Variants in TMTC1 observed in about 807,000 individuals in gnomAD.
TMTC1 encodes the protein transmembrane O-mannosyltransferase targeting cadherins 1, also known as protein O-mannosyl-transferase TMTC1.
TMTC1 carries 73 observed loss-of-function variants against 104.8 expected under a neutral mutation model. The observed-to-expected ratio is 0.70, with a 90% CI of 0.58 to 0.85. The LOEUF is 0.85. TMTC1 is among the 40% of genes least tolerant of loss of function. The pLI, the probability that TMTC1 is intolerant of heterozygous loss-of-function variation, is 0.00. For synonymous variants in TMTC1, 434 were observed against 428.7 expected (o/e 1.01, Z -0.15); for missense variants, 1,035 against 1,096.1 (o/e 0.94, Z 0.79).
In TMTC1 at chr12:29,577,872, T is replaced by C. The variant is rs978261151; in HGVS notation, c.1418+5535A>G. 3.9e-5 allele frequency among the ~76,000 whole-genome samples: 6 copies of C among 152,162 alleles called. No homozygotes were observed. The East Asian group carries it at 7.7e-4, about 20-fold the overall frequency. ...TTCAAATGATAGTATCCAACATAAATTTAGTCATATTGGCAAAATCCAGGT... is the reference window on the plus strand; with the variant it reads ...TTCAAATGATAGTATCCAACATAAACTTAGTCATATTGGCAAAATCCAGGT... On this transcript the variant is annotated intron_variant, in intron 8 of 17. Transcript: ENST00000539277.
intron 11 of TMTC1, among the ~76,000 whole-genome samples, chr12:29,522,490 A>G (rs190959252): frequency 2.1e-4 from 32 of 152,258 alleles, no homozygotes; most frequent in Admixed American, 5.2e-4. Context: ...AAAGTCTCAA[A>G]ATATTTCCTT....
intron 9 of TMTC1, among the ~76,000 whole-genome samples, chr12:29,566,869 G>C (rs1007944146): frequency 6.6e-6 from 1 of 152,128 alleles, no homozygotes; most frequent in African/African-American, 2.4e-5. Context: ...ACTTATACAA[G>C]AAATCACAGC....
intron 6 of TMTC1, among the ~76,000 whole-genome samples, chr12:29,615,639 C>T (rs1017611526): frequency 3.9e-5 from 6 of 152,070 alleles, no homozygotes; most frequent in African/African-American, 1.2e-4. Flanking sequence ...TCAGGACTCC[C>T]AGCAGTCACA....
chr12:29,698,561 T>C (rs989834337), intron 5 of TMTC1, among the ~76,000 whole-genome samples: 1 of 152,180 alleles, frequency 6.6e-6, no homozygotes, highest in Non-Finnish European at 1.5e-5. Context: ...TGGTCTTATG[T>C]TTCTAAGTTA....
intron 5 of TMTC1, among the ~76,000 whole-genome samples, chr12:29,734,590 T>C (rs1942624196): frequency 6.6e-6 from 1 of 152,182 alleles, no homozygotes; most frequent in African/African-American, 2.4e-5. Flanking sequence ...GATCCACATA[T>C]AGAATCATAT....
At chr12:29,600,625 C>T (rs573389773) in intron 7 of TMTC1, among the ~76,000 whole-genome samples, 12 of 152,296 alleles carry the variant, frequency 7.9e-5, no homozygotes, top group African/African-American at 2.4e-4. Flanking sequence ...AGATTCCTCC[C>T]GTGTCAGTTT....
chr12:29,672,882 G>T (rs1469839787), intron 5 of TMTC1, among the ~76,000 whole-genome samples: 1 of 152,138 alleles, frequency 6.6e-6, no homozygotes, highest in South Asian at 2.1e-4. Context: ...TTATAAGGAG[G>T]TAAACAATGT....
chr12:29,722,179 G>T (rs1348549409), intron 5 of TMTC1, among the ~76,000 whole-genome samples: 2 of 152,076 alleles, frequency 1.3e-5, no homozygotes, highest in Admixed American at 1.3e-4. Context: ...GAACCTTCAG[G>T]GTCCCTAGAT....
chr12:29,540,169 C>T (rs1242086057), intron 10 of TMTC1, among the ~76,000 whole-genome samples: 1 of 152,068 alleles, frequency 6.6e-6, no homozygotes, highest in Non-Finnish European at 1.5e-5. Flanking sequence ...TGTGGGGAAC[C>T]TACTGCTGCC....
chr12:29,700,400 A>C (rs1429871691), intron 5 of TMTC1, among the ~76,000 whole-genome samples: 1 of 151,732 alleles, frequency 6.6e-6, no homozygotes, highest in Non-Finnish European at 1.5e-5. Context: ...ATAGAGTCTC[A>C]CTTTGTTGTC....
rs551145101 is a variant in TMTC1, at chr12:29,561,278, C to T, written c.1533-4278G>A. ...TGTAAATCTGTTTTTAAACTTCATTCGTCATTCAACGTTCAGCAAATAAAT... is the reference window on the plus strand; with the variant it reads ...TGTAAATCTGTTTTTAAACTTCATTTGTCATTCAACGTTCAGCAAATAAAT... On this transcript the variant is annotated intron_variant, in intron 9 of 17. Coordinates refer to ENST00000539277, the MANE Select transcript of TMTC1 (RefSeq NM_001193451.2). Among the ~76,000 whole-genome samples the T allele has an allele frequency of 2.4e-4, 36 of 151,532 alleles. 2 individuals are homozygous for T. The highest frequency in any genetic ancestry group is 7.7e-4 in the African/African-American group (32 of 41,390).
Position 29,506,000 on chromosome 12 carries a change from T to G in TMTC1, c.*846A>C, listed in dbSNP as rs991830840. 1.5e-4 allele frequency: 23 copies of G among 152,146 alleles called. 1 individual carries two copies. Among genetic ancestry groups the G allele is most frequent in the Admixed American group, 1.5e-3 (23 of 15,280 alleles). The allele number at this position is 152,146 out of a possible 1,614,324, so 9.4% of individuals were successfully genotyped here. The stretch of plus-strand genomic sequence containing the variant: ...CATTTCTCTTAGTTAATATCTTTAA[T>G]TTTTTATGTAGAATATACTATTTTT... On this transcript the variant is annotated 3_prime_UTR_variant, in exon 18 of 18. Transcript: ENST00000539277.
chr12:29,579,264 A>T (rs1320273544), intron 8 of TMTC1, among the ~76,000 whole-genome samples: 3 of 152,174 alleles, frequency 2.0e-5, no homozygotes, highest in Admixed American at 6.5e-5. Flanking sequence ...ATGGGTCACT[A>T]ATGTGTCCAT....
At chr12:29,736,468 G>A (rs1942677184) in intron 5 of TMTC1, among the ~76,000 whole-genome samples, 1 of 151,918 alleles carries the variant, frequency 6.6e-6, no homozygotes. Flanking sequence ...CGCCCAGGCT[G>A]GAGTGCAGTG....
chr12:29,514,354 AACTC>A, intron 16 of TMTC1, 124 bp downstream of exon 16: 1 of 944,040 alleles, frequency 1.1e-6, no homozygotes, highest in Non-Finnish European at 1.5e-6. Context: ...AGTTAAAAAA[AACTC>A]ACTCACTCCA....
At chr12:29,659,345 C>G (rs1377706850) in intron 5 of TMTC1, among the ~76,000 whole-genome samples, 1 of 152,162 alleles carries the variant, frequency 6.6e-6, no homozygotes, top group Non-Finnish European at 1.5e-5. Flanking sequence ...GGGCAGAACC[C>G]TTATGAGTAG....
intron 7 of TMTC1, among the ~76,000 whole-genome samples, chr12:29,598,328 A>G (rs1946467500): frequency 6.6e-6 from 1 of 152,242 alleles, no homozygotes; most frequent in Non-Finnish European, 1.5e-5. Flanking sequence ...CTTCAGAGGT[A>G]ATTTTTCTCC....
chr12:29,664,163 G>T (rs901967355), intron 5 of TMTC1, among the ~76,000 whole-genome samples: 5 of 149,670 alleles, frequency 3.3e-5, no homozygotes, highest in Admixed American at 1.3e-4. Context: ...CTCCAGCCTG[G>T]GCGACAGAGC....
chr12:29,546,478 A>G (rs1944945671), intron 10 of TMTC1, among the ~76,000 whole-genome samples: 1 of 152,092 alleles, frequency 6.6e-6, no homozygotes, highest in African/African-American at 2.4e-5. Context: ...GCTTCCTGGG[A>G]CAGACCCTGC....
Sources: gnomAD v4.1 joint callset for allele counts (sites outside exome capture counted in the v4.1 genomes callset) on GRCh38, gnomAD v4.1.1 for gene constraint, MANE v1.5 for transcripts, NCBI Gene and HGNC (gene_info 2026-07-23, HGNC 2026-07-21) for gene names.